Variants in TPD52L1 observed in about 807,000 individuals in gnomAD.
TPD52L1 encodes tumor protein D53.
TPD52L1 carries 18 observed loss-of-function variants against 28.7 expected under a neutral mutation model. The observed-to-expected ratio is 0.63, with a 90% CI of 0.43 to 0.93. The LOEUF (loss-of-function observed/expected upper bound fraction) is 0.93. Ranked by LOEUF, TPD52L1 falls within the 40% of genes least tolerant of loss-of-function variation. The pLI is 0.00. For synonymous variants in TPD52L1, 75 were observed against 88.8 expected (o/e 0.84, Z 0.88); for missense variants, 203 against 254.8 (o/e 0.80, Z 1.39).
intron 1 of TPD52L1, among the ~76,000 whole-genome samples, chr6:125,156,773 A>C (rs1308721054): frequency 6.6e-6 from 1 of 152,182 alleles, no homozygotes; most frequent in Non-Finnish European, 1.5e-5. Context: ...TGTCTCAAAA[A>C]CAGATAAACA....
intron 3 of TPD52L1, among the ~76,000 whole-genome samples, chr6:125,230,952 T>A (rs1298670222): frequency 6.6e-6 from 1 of 152,214 alleles, no homozygotes; most frequent in Non-Finnish European, 1.5e-5. Context: ...AAAGATAAGT[T>A]GCAACACCAT....
chr6:125,172,136 CTTTCTTTCTTTCTTTCTTTCTTTT>C, intron 1 of TPD52L1, among the ~76,000 whole-genome samples: 1 of 58,644 alleles, frequency 1.7e-5, no homozygotes, highest in African/African-American at 1.0e-4. Flanking sequence ...TTCTTTCTTT[CTTTCTTTCTTTCTTTCTTTCTTTT>C]CTTTCTTTCT....
At chr6:125,207,474 A>G (rs1794227345) in intron 1 of TPD52L1, among the ~76,000 whole-genome samples, 1 of 152,242 alleles carries the variant, frequency 6.6e-6, no homozygotes, top group Non-Finnish European at 1.5e-5. Context: ...TTTTGTAAGC[A>G]GAGACACTGA....
chr6:125,195,868 C>G (rs145086388), intron 1 of TPD52L1, among the ~76,000 whole-genome samples: 1 of 152,294 alleles, frequency 6.6e-6, no homozygotes, highest in East Asian at 1.9e-4. Context: ...GCCCTGTTCG[C>G]GCTATCACAG....
intron 3 of TPD52L1, among the ~76,000 whole-genome samples, chr6:125,245,208 G>A (rs1412191261): frequency 6.6e-6 from 1 of 152,204 alleles, no homozygotes; most frequent in Non-Finnish European, 1.5e-5. Context: ...TAGCAGTGAA[G>A]TCGTCATGTG....
intron 3 of TPD52L1, among the ~76,000 whole-genome samples, chr6:125,238,928 G>C (rs1796447744): frequency 6.6e-6 from 1 of 152,322 alleles, no homozygotes; most frequent in Non-Finnish European, 1.5e-5. Context: ...AAATTGTGCT[G>C]CTATAAATAT....
At chr6:125,213,347 G>A (rs142251554) in intron 1 of TPD52L1, among the ~76,000 whole-genome samples, 343 of 152,266 alleles carry the variant, frequency 2.3e-3, no homozygotes, top group African/African-American at 7.6e-3. Context: ...ATGGAAGCCT[G>A]AAGGACTATG....
At chr6:125,160,346 ATTAT>A (rs1374028593) in intron 1 of TPD52L1, among the ~76,000 whole-genome samples, 82 of 152,120 alleles carry the variant, frequency 5.4e-4, no homozygotes, top group Non-Finnish European at 1.5e-5. Context: ...ATTTAGAATA[ATTAT>A]TTATTTATTT....
intron 4 of TPD52L1, among the ~76,000 whole-genome samples, chr6:125,248,946 G>A (rs901311681): frequency 7.3e-5 from 11 of 151,720 alleles, no homozygotes; most frequent in Admixed American, 1.3e-4. Context: ...CTCCCAGTGC[G>A]TAGCTATAGC....
chr6:125,219,645 G>T (rs1297426959), intron 1 of TPD52L1, among the ~76,000 whole-genome samples: 9 of 152,146 alleles, frequency 5.9e-5, no homozygotes, highest in Non-Finnish European at 1.5e-5. Context: ...AAGAATGAAG[G>T]TATTTATTTC....
chr6:125,200,943 T>C (rs1196764294), intron 1 of TPD52L1, among the ~76,000 whole-genome samples: 1 of 152,238 alleles, frequency 6.6e-6, no homozygotes, highest in Non-Finnish European at 1.5e-5. Flanking sequence ...GTTTCATTTA[T>C]GTAGTCAGGG....
At chr6:125,221,099 G>C (rs1191950089) in intron 2 of TPD52L1, among the ~76,000 whole-genome samples, 1 of 152,148 alleles carries the variant, frequency 6.6e-6, no homozygotes, top group Non-Finnish European at 1.5e-5. Flanking sequence ...CTGAGTTCTA[G>C]CCTCCTGATA....
At chr6:125,187,183 C>A (rs978435048) in intron 1 of TPD52L1, among the ~76,000 whole-genome samples, 1 of 151,932 alleles carries the variant, frequency 6.6e-6, no homozygotes, top group Non-Finnish European at 1.5e-5. Context: ...ACTGGCCAGC[C>A]GTGTATGAAA....
In TPD52L1 at chr6:125,168,517, G is replaced by T. The variant is rs537936726; in HGVS notation, c.19+14547G>T. The stretch of plus-strand genomic sequence containing the variant: ...GTAGAACTTGCTTCTGTCCTTCTCA[G>T]ATTTTTTTTTTTTTTTTTGAGACGG... On this transcript the variant is annotated intron_variant, in intron 1 of 6. Coordinates refer to ENST00000534000, the MANE Select transcript of TPD52L1 (RefSeq NM_003287.4). 2.7e-5 allele frequency among the ~76,000 whole-genome samples: 4 copies of T among 149,208 alleles called. No homozygotes were observed. In the East Asian group the frequency reaches 7.9e-4, roughly 29 times the overall value.
chr6:125,262,594 G>C (rs1363070422), intron 6 of TPD52L1: 1 of 437,714 alleles, frequency 2.3e-6, no homozygotes, highest in East Asian at 4.5e-5. Flanking sequence ...ATACAGGAGA[G>C]ATAAAGAGAG....
chr6:125,218,221 G>T (rs1227454493), intron 1 of TPD52L1, among the ~76,000 whole-genome samples: 1 of 152,178 alleles, frequency 6.6e-6, no homozygotes, highest in Non-Finnish European at 1.5e-5. Flanking sequence ...AGCAGTATAT[G>T]AGAGCTTCTA....
Position 125,248,313 on chromosome 6 carries a change from G to T in TPD52L1, c.316G>T (p.Ala106Ser), listed in dbSNP as rs780203772. 1.2e-6 allele frequency: 2 copies of T among 1,614,046 alleles called. No individual in the cohort carries two copies. Among genetic ancestry groups the T allele is most frequent in the Non-Finnish European group, 1.7e-6 (2 of 1,179,966 alleles). ...GAAAACACATGAAACCCTGAGTCAC[G>T]CAGGGCAAAAGGCAACTGCAGCTTT... ...YKKTHETLSHAGQKATAAFSN... is the reference protein window; with the variant it reads ...YKKTHETLSHSGQKATAAFSN... The change falls in exon 4 of 7, where the codon GCA (alanine) becomes TCA (serine). Residue 106 changes from alanine (A) to serine (S), a missense_variant. By Grantham distance (99) the Ala-to-Ser change is moderately conservative. Coordinates refer to ENST00000534000, the MANE Select transcript of TPD52L1 (RefSeq NM_003287.4).
chr6:125,158,913 C>A (rs9491321), intron 1 of TPD52L1, among the ~76,000 whole-genome samples: 8,652 of 152,236 alleles, frequency 0.057, 349 homozygotes, highest in African/African-American at 0.11. Context: ...CAATAGCATG[C>A]TATCTAAGAA....
intron 3 of TPD52L1, among the ~76,000 whole-genome samples, chr6:125,232,415 C>A (rs1269373713): frequency 6.6e-6 from 1 of 152,128 alleles, no homozygotes; most frequent in Non-Finnish European, 1.5e-5. Flanking sequence ...ATTAATTAAA[C>A]CCCTGCTCTT....
Sources: gnomAD v4.1 joint callset for allele counts (sites outside exome capture counted in the v4.1 genomes callset) on GRCh38, gnomAD v4.1.1 for gene constraint, MANE v1.5 for transcripts, NCBI Gene and HGNC (gene_info 2026-07-23, HGNC 2026-07-21) for gene names.